Variants in WDR27 observed in about 807,000 individuals in gnomAD.
WDR27 encodes the protein WD repeat domain 27.
In WDR27, 100 loss-of-function variants were observed where a neutral mutation model predicts 114.4. That is an observed-to-expected ratio of 0.87 (90% CI 0.74 to 1.03). The LOEUF (loss-of-function observed/expected upper bound fraction) is 1.03. Among genes scored for constraint, WDR27 ranks in the 50% least tolerant of loss-of-function variants. The pLI is 0.00. For synonymous variants in WDR27, 449 were observed against 423.1 expected, an observed-to-expected ratio of 1.06 and a Z score of -0.75; for missense variants, 1,129 against 1,092.9, an observed-to-expected ratio of 1.03 and a Z score of -0.47.
chr6:169,484,532 G>T (rs960604276), intron 25 of WDR27, among the ~76,000 whole-genome samples: 1 of 151,926 alleles, frequency 6.6e-6, no homozygotes, highest in Non-Finnish European at 1.5e-5. Context: ...GGAAACAAAC[G>T]AATGAAAAAA....
At chr6:169,674,279 C>G (rs1438341156) in intron 2 of WDR27, among the ~76,000 whole-genome samples, 1 of 151,996 alleles carries the variant, frequency 6.6e-6, no homozygotes, top group East Asian at 1.9e-4. Context: ...GACTTGAAAC[C>G]AAACTAAAAC....
At chr6:169,536,317 T>C (rs997232898) in intron 25 of WDR27, among the ~76,000 whole-genome samples, 6 of 152,008 alleles carry the variant, frequency 3.9e-5, no homozygotes, top group African/African-American at 1.4e-4. Context: ...TCAAGTTCAG[T>C]CCATGTGCAT....
At chr6:169,593,555 G>A (rs1026092338) in intron 23 of WDR27, among the ~76,000 whole-genome samples, 2 of 152,064 alleles carry the variant, frequency 1.3e-5, no homozygotes, top group African/African-American at 4.8e-5. Context: ...TTTTTAAAAA[G>A]CTAGTGTTTT....
chr6:169,543,182 A>G (rs1333331574), intron 25 of WDR27, among the ~76,000 whole-genome samples: 1 of 152,138 alleles, frequency 6.6e-6, no homozygotes, highest in African/African-American at 2.4e-5. Flanking sequence ...TCTTTTCTAT[A>G]AGTTTCAAAT....
chr6:169,450,001 T>A, the WDR27 span, among the ~76,000 whole-genome samples: 1 of 152,230 alleles, frequency 6.6e-6, no homozygotes, highest in Non-Finnish European at 1.5e-5. Flanking sequence ...AAATTTTCTT[T>A]GTATATTTTA....
chr6:169,664,411 G>A, intron 7 of WDR27, 125 bp from the exon 8 acceptor site: 8 of 1,556,632 alleles, frequency 5.1e-6, no homozygotes, highest in Non-Finnish European at 6.9e-6. Context: ...GGCCTGCAGA[G>A]GCTCCCGGCA....
At chr6:169,538,656 T>C (rs946981816) in intron 25 of WDR27, among the ~76,000 whole-genome samples, 5 of 151,804 alleles carry the variant, frequency 3.3e-5, no homozygotes, top group African/African-American at 1.2e-4. Flanking sequence ...TTTTCACTGG[T>C]TTATTTATAT....
intron 25 of WDR27, among the ~76,000 whole-genome samples, chr6:169,566,580 T>A (rs1422300422): frequency 6.6e-6 from 1 of 152,252 alleles, no homozygotes; most frequent in African/African-American, 2.4e-5. Flanking sequence ...TTTATTAAGA[T>A]GGGCATGTAC....
chr6:169,631,273 C>A (rs913987613), intron 21 of WDR27, among the ~76,000 whole-genome samples: 4 of 152,036 alleles, frequency 2.6e-5, no homozygotes, highest in African/African-American at 9.7e-5. Context: ...GGTTTATACG[C>A]AGGAAGAGTC....
At chr6:169,505,103 A>T (rs567579119) in intron 25 of WDR27, among the ~76,000 whole-genome samples, 1 of 152,344 alleles carries the variant, frequency 6.6e-6, no homozygotes, top group East Asian at 1.9e-4. Context: ...GCAGTATTCT[A>T]TATGAAAAAT....
chr6:169,627,224 G>T (rs1033156103), intron 21 of WDR27, among the ~76,000 whole-genome samples: 2 of 152,144 alleles, frequency 1.3e-5, no homozygotes, highest in African/African-American at 4.8e-5. Flanking sequence ...TTTAAGTCTT[G>T]AAAATAAATG....
intron 22 of WDR27, among the ~76,000 whole-genome samples, chr6:169,613,183 C>T (rs986158729): frequency 1.3e-5 from 2 of 152,166 alleles, no homozygotes; most frequent in African/African-American, 4.8e-5. Flanking sequence ...AGTCAGGCGC[C>T]GCTGGCCCTG....
chr6:169,531,882 C>T (rs922650314), intron 25 of WDR27, among the ~76,000 whole-genome samples: 1 of 152,130 alleles, frequency 6.6e-6, no homozygotes, highest in African/African-American at 2.4e-5. Context: ...TCAAACTCCT[C>T]GTGATCCGCC....
intron 13 of WDR27, among the ~76,000 whole-genome samples, chr6:169,654,621 A>C (rs1478588297): frequency 1.3e-5 from 2 of 152,212 alleles, no homozygotes; most frequent in African/African-American, 4.8e-5. Flanking sequence ...CCTTCAGAGC[A>C]AGAATTTAGA....
intron 2 of WDR27, among the ~76,000 whole-genome samples, chr6:169,675,747 T>C (rs1476712693): frequency 6.6e-6 from 1 of 152,168 alleles, no homozygotes; most frequent in Admixed American, 6.6e-5. Flanking sequence ...TAAAGGATTG[T>C]GGATACCATG....
intron 25 of WDR27, among the ~76,000 whole-genome samples, chr6:169,481,665 G>C (rs952684480): frequency 6.6e-6 from 1 of 151,758 alleles, no homozygotes; most frequent in African/African-American, 2.4e-5. Flanking sequence ...TCACCGCAAA[G>C]GTCTGCAGCT....
At chr6:169,617,354 G>A (rs931344963) in intron 21 of WDR27, among the ~76,000 whole-genome samples, 4 of 152,136 alleles carry the variant, frequency 2.6e-5, no homozygotes, top group Non-Finnish European at 5.9e-5. Flanking sequence ...TTACATGGTA[G>A]GCAGGGAAGG....
chr6:169,471,627 C>T (rs1285645161), intron 25 of WDR27, among the ~76,000 whole-genome samples: 1 of 152,178 alleles, frequency 6.6e-6, no homozygotes, highest in East Asian at 1.9e-4. Flanking sequence ...ATGTTCTAGC[C>T]TCTTAACTTA....
chr6:169,455,448 C>T (rs562855509), downstream of WDR27, among the ~76,000 whole-genome samples: 26 of 152,320 alleles, frequency 1.7e-4, no homozygotes, highest in African/African-American at 4.6e-4. Context: ...ACCAGTTTTA[C>T]GTTACAACAC....
Sources: gnomAD v4.1 joint callset for allele counts (sites outside exome capture counted in the v4.1 genomes callset) on GRCh38, gnomAD v4.1.1 for gene constraint, MANE v1.5 for transcripts, NCBI Gene and HGNC (gene_info 2026-07-23, HGNC 2026-07-21) for gene names.